The following LRMDA variants were observed in gnomAD, a reference collection of about 807,000 sequenced individuals.
LRMDA encodes the protein leucine rich melanocyte differentiation associated, also known as leucine-rich melanocyte differentiation-associated protein.
Under a neutral mutation model 29.8 loss-of-function variants are expected in LRMDA, and 18 were observed. That is an observed-to-expected ratio of 0.60 (90% CI 0.42 to 0.90). LRMDA has a LOEUF of 0.90. Ranked by LOEUF, LRMDA falls within the 40% of genes least tolerant of loss-of-function variation. The pLI, the probability that LRMDA is intolerant of heterozygous loss-of-function variation, is 0.00. For synonymous variants in LRMDA, 125 were observed against 109.4 expected, an observed-to-expected ratio of 1.14 and a Z score of -0.89; for missense variants, 273 against 273.9, an observed-to-expected ratio of 1.00 and a Z score of 0.02.
At chr10:75,824,265 A>G (rs1328518388) in intron 2 of LRMDA, among the ~76,000 whole-genome samples, 1 of 152,182 alleles carries the variant, frequency 6.6e-6, no homozygotes, top group Non-Finnish European at 1.5e-5. Context: ...GCTACTAGAA[A>G]CATTTAAATT....
At chr10:75,909,581 A>T (rs1845812507) in intron 2 of LRMDA, among the ~76,000 whole-genome samples, 1 of 152,102 alleles carries the variant, frequency 6.6e-6, no homozygotes, top group South Asian at 2.1e-4. Context: ...TATCTCTAAT[A>T]GGTGGAAGTT....
rs1844406592 is a variant in LRMDA, at chr10:75,447,261, A to G, written c.131+8767A>G. The stretch of plus-strand genomic sequence containing the variant: ...CATCCTGGTGTCTCCAGCTACCACC[A>G]GAACATACAATGAAAAGATGAAGTG... On this transcript the variant is annotated intron_variant, in intron 2 of 6. Coordinates refer to ENST00000611255, the MANE Select transcript of LRMDA (RefSeq NM_001305581.2). Among the ~76,000 whole-genome samples the G allele has an allele frequency of 1.3e-5, 2 of 152,242 alleles. 1 individual carries two copies.
At chr10:76,524,266 C>T (rs2637251) in intron 6 of LRMDA, among the ~76,000 whole-genome samples, 51,760 of 151,950 alleles carry the variant, frequency 0.34, 9,906 homozygotes, top group Middle Eastern at 0.51. Context: ...TGGTGAAAGA[C>T]GGCTGACGTG....
chr10:75,432,006 C>T (rs1844204742), intron 1 of LRMDA, among the ~76,000 whole-genome samples: 1 of 152,200 alleles, frequency 6.6e-6, no homozygotes, highest in Non-Finnish European at 1.5e-5. Context: ...TTCCTTCTGC[C>T]CTTAGCGCCT....
At chr10:75,666,382 AT>A (rs148284881) in intron 2 of LRMDA, among the ~76,000 whole-genome samples, 4,592 of 151,922 alleles carry the variant, frequency 0.03, 244 homozygotes, top group African/African-American at 0.11. Context: ...ATGAAATTAT[AT>A]TTTAATTTTG....
chr10:76,057,315 G>A (rs1474290976), intron 4 of LRMDA, among the ~76,000 whole-genome samples: 1 of 152,200 alleles, frequency 6.6e-6, no homozygotes, highest in Non-Finnish European at 1.5e-5. Context: ...AGAGCAGGAA[G>A]CATGTTGTAA....
intron 2 of LRMDA, among the ~76,000 whole-genome samples, chr10:75,984,549 T>G (rs1408174521): frequency 6.6e-6 from 1 of 152,254 alleles, no homozygotes; most frequent in African/African-American, 2.4e-5. Flanking sequence ...TCCTTCATGC[T>G]GCATGAGCAG....
chr10:76,051,226 A>G (rs546016500), intron 4 of LRMDA, among the ~76,000 whole-genome samples: 47 of 152,348 alleles, frequency 3.1e-4, no homozygotes, highest in Non-Finnish European at 6.0e-4. Context: ...TCTCCAGCTA[A>G]TCTACAATCT....
chr10:75,711,810 C>T (rs1037784832), intron 2 of LRMDA, among the ~76,000 whole-genome samples: 4 of 151,898 alleles, frequency 2.6e-5, no homozygotes, highest in African/African-American at 9.7e-5. Context: ...ATTTTTTGCT[C>T]TTTAATAAGC....
chr10:75,752,208 CTT>C lies in LRMDA; in HGVS notation c.132-283779_132-283778del, dbSNP rs780364065. On this transcript the variant is annotated intron_variant, in intron 2 of 6. Transcript: ENST00000611255. ...ATTATGGGAGTGATATAACGTGTCT[CTT>C]TTTTTTTTTTTTTTTTTTTTGAGAT... is the stretch of plus-strand genomic sequence containing the variant. Among the ~76,000 whole-genome samples the C allele has an allele frequency of 3.6e-3, 409 of 113,056 alleles. 1 individual carries two copies. Among genetic ancestry groups the C allele is most frequent in the African/African-American group, 0.014 (390 of 28,722 alleles). 74.2% of individuals were successfully genotyped at this position (113,056 alleles called of 152,430 possible).
chr10:75,708,888 C>G (rs959815940), intron 2 of LRMDA, among the ~76,000 whole-genome samples: 3 of 152,174 alleles, frequency 2.0e-5, no homozygotes, highest in Admixed American at 2.0e-4. Flanking sequence ...CATATGGCCT[C>G]ATTTTGAAGA....
intron 2 of LRMDA, among the ~76,000 whole-genome samples, chr10:75,616,216 C>T (rs1190658249): frequency 1.3e-5 from 2 of 151,160 alleles, no homozygotes; most frequent in African/African-American, 4.9e-5. Context: ...TTATTCACTA[C>T]CATGAGAACA....
At chr10:76,040,745 A>G (rs963877841) in intron 3 of LRMDA, among the ~76,000 whole-genome samples, 1 of 152,134 alleles carries the variant, frequency 6.6e-6, no homozygotes, top group African/African-American at 2.4e-5. Flanking sequence ...CCTTTGCGCA[A>G]TCAAATGATT....
At chr10:75,645,042 G>A (rs925534529) in intron 2 of LRMDA, among the ~76,000 whole-genome samples, 3 of 151,386 alleles carry the variant, frequency 2.0e-5, no homozygotes, top group African/African-American at 4.9e-5. Flanking sequence ...GAGTGCAATG[G>A]CACGATCTCA....
intron 6 of LRMDA, among the ~76,000 whole-genome samples, chr10:76,386,651 G>A (rs749136153): frequency 2.6e-5 from 4 of 151,852 alleles, no homozygotes; most frequent in Non-Finnish European, 5.9e-5. Flanking sequence ...CTGTGAATAG[G>A]GCCAATGTCC....
At chr10:76,329,207 A>G (rs766263061) in intron 6 of LRMDA, among the ~76,000 whole-genome samples, 6 of 152,214 alleles carry the variant, frequency 3.9e-5, no homozygotes, top group African/African-American at 1.4e-4. Flanking sequence ...TCTCCGATGT[A>G]GTTTTCAGTT....
chr10:76,148,155 C>T (rs1850365642), intron 5 of LRMDA, among the ~76,000 whole-genome samples: 1 of 152,318 alleles, frequency 6.6e-6, no homozygotes, highest in Non-Finnish European at 1.5e-5. Flanking sequence ...AGGAGGCAGT[C>T]TGTCTGTTCT....
chr10:76,033,650 A>G (rs889639929), intron 2 of LRMDA, among the ~76,000 whole-genome samples: 3 of 152,142 alleles, frequency 2.0e-5, no homozygotes, highest in Admixed American at 6.5e-5. Context: ...TAACTCAGGA[A>G]CAATGTGTAT....
chr10:76,094,834 C>A (rs1426657827), intron 5 of LRMDA, among the ~76,000 whole-genome samples: 1 of 152,152 alleles, frequency 6.6e-6, no homozygotes. Context: ...CTAACCACCC[C>A]CCAGTGCCCG....
Sources: allele counts gnomAD v4.1 joint callset (sites outside exome capture counted in the v4.1 genomes callset), GRCh38; gene constraint gnomAD v4.1.1; transcripts MANE v1.5; gene names NCBI Gene and HGNC (gene_info 2026-07-23, HGNC 2026-07-21).